PLSCR3: variants seen among roughly 807,000 people sequenced by gnomAD.
The protein encoded by PLSCR3 is PL scramblase 3.
A neutral mutation model predicts 33.7 loss-of-function variants in PLSCR3; 17 were observed. That is an observed-to-expected ratio of 0.50 (90% CI 0.35 to 0.76). The LOEUF (loss-of-function observed/expected upper bound fraction) is 0.76. Among genes scored for constraint, PLSCR3 ranks in the 30% least tolerant of loss-of-function variants. The probability of loss-of-function intolerance (pLI) is 0.01; values close to 1 mark genes in which losing one functional copy is unlikely to be tolerated. For missense variants in PLSCR3, 360 were observed against 394.1 expected (o/e 0.91, Z 0.73); for synonymous variants, 166 against 166.0 (o/e 1.00, Z 0.00).
chr17:7,393,531 G>A lies in PLSCR3; in HGVS notation c.244-22C>T, dbSNP rs369609211. ...CAATCTGGAAAGAGAGGGGCGGCGC[G>A]CACATCAGCTGGCCCATCTGGACGC... On this transcript the variant is annotated intron_variant, in intron 3 of 7. Coordinates refer to ENST00000619711, the MANE Select transcript of PLSCR3 (RefSeq NM_020360.4). 1.1e-5 allele frequency: 17 copies of A among 1,613,878 alleles called. No homozygotes were observed. In the African/African-American group the frequency reaches 2.1e-4, roughly 20 times the overall value.
Position 7,393,953 on chromosome 17 carries a change from G to C in PLSCR3, c.8-117C>G, listed in dbSNP as rs1905963264. 9.6e-6 allele frequency: 11 copies of C among 1,144,798 alleles called. No individual in the cohort carries two copies. In the South Asian group the frequency reaches 1.3e-4, roughly 14 times the overall value. 70.9% of individuals were successfully genotyped at this position (1,144,798 alleles called of 1,614,324 possible). A position where few individuals can be genotyped will look rare whatever the true frequency, so the allele number is the denominator to read the frequency against. ...AACGTGGTGGCAAGAGGCAGAGAAA[G>C]ATGGGGCAGGGGAGCAGGGTGGAGG... On this transcript the variant is annotated intron_variant, in intron 2 of 7. Transcript: ENST00000619711.
At position 7,390,843 on chromosome 17, in the gene PLSCR3, G is replaced by A. The variant is rs762655983; in HGVS notation, c.670-48C>T. 5.0e-6 allele frequency: 8 copies of A among 1,590,782 alleles called. No individual in the cohort carries two copies. The Admixed American group carries it at 1.3e-4, about 27-fold the overall frequency. ...GACCCAGCTGAGGAGGAGGCAGCCAGTCTCACCTGCTCCAGTCTCATTCCC... is the reference window on the plus strand; with the variant it reads ...GACCCAGCTGAGGAGGAGGCAGCCAATCTCACCTGCTCCAGTCTCATTCCC... On this transcript the variant is annotated intron_variant, in intron 6 of 7. Coordinates refer to ENST00000619711, the MANE Select transcript of PLSCR3 (RefSeq NM_020360.4).
rs1905711587 is a variant in PLSCR3, at chr17:7,391,711, T to A, written c.670-916A>T. On this transcript the variant is annotated intron_variant, in intron 6 of 7. Transcript: ENST00000619711. This position sits in a 1 kb window ranked among gnomAD's most constrained non-coding sequence, Gnocchi z 4.1. ...CAGCCTATACATTCCCATCTGGAGA[T>A]CACGCAGTTATTATATCTTATTCCC... Among the ~76,000 whole-genome samples the A allele has an allele frequency of 6.6e-6, 1 of 152,190 alleles. No individual in the cohort carries two copies. Among genetic ancestry groups the A allele is most frequent in the South Asian group, 2.1e-4 (1 of 4,826 alleles).
chr17:7,392,940 C>G lies in PLSCR3; in HGVS notation c.520G>C (p.Ala174Pro). ...TGGCCAATGGTGGTGCCTGGTGGAG[C>G]CTGTACTTCCATCTGGGAGTGGGAA... is the stretch of plus-strand genomic sequence containing the variant. ...PCGLQEMEVQAPPGTTIGHVL... is the reference protein window; with the variant it reads ...PCGLQEMEVQPPPGTTIGHVL... Residue 174 changes from alanine to proline, a missense_variant, in exon 6 of 8, where the codon GCT (alanine) becomes CCT (proline). Physicochemically the swap from Ala to Pro is conservative, Grantham distance 27. Coordinates refer to ENST00000619711, the MANE Select transcript of PLSCR3 (RefSeq NM_020360.4). 1 of 1,611,512 alleles carries G rather than the reference C, an allele frequency of 6.2e-7. No individual in the cohort carries two copies.
intron 6 of PLSCR3, among the ~76,000 whole-genome samples, chr17:7,392,001 C>A (rs1905739957): frequency 6.6e-6 from 1 of 152,162 alleles, no homozygotes; most frequent in South Asian, 2.1e-4. Flanking sequence ...GCCTGACCAA[C>A]ATGGAGAAAC....
chr17:7,393,379 A>G lies in PLSCR3; in HGVS notation c.287-15T>C. ...GCCTAGGAACGCTGCCCGAGGTGAC[A>G]CGGGGAGACTCGTAGAGCCTCGCGC... On this transcript the variant is annotated splice_polypyrimidine_tract_variant and intron_variant, in intron 4 of 7. Coordinates refer to ENST00000619711, the MANE Select transcript of PLSCR3 (RefSeq NM_020360.4). 6.2e-7 allele frequency: 1 copy of G among 1,613,528 alleles called. No individual in the cohort carries two copies. Among genetic ancestry groups the G allele is most frequent in the Non-Finnish European group, 8.5e-7 (1 of 1,179,790 alleles).
chr17:7,390,739 G>C lies in PLSCR3; in HGVS notation c.726C>G (p.Gly242=), dbSNP rs534765323. 3 of 1,613,970 alleles carry C rather than the reference G, an allele frequency of 1.9e-6. No individual in the cohort carries two copies. Among genetic ancestry groups the C allele is most frequent in the Non-Finnish European group, 1.7e-6 (2 of 1,179,998 alleles). The change falls in exon 7 of 8, where the codon GGC becomes GGG. Residue 242 remains glycine, a synonymous_variant. Coordinates refer to ENST00000619711, the MANE Select transcript of PLSCR3 (RefSeq NM_020360.4). The part of the protein sequence containing the change: ...SVGRISKQWG[G]LVREALTDAD... ...CATCTGTGAGGGCTTCTCGGACCAGGCCCCCCCACTGCTTGCTGATGCGGC... is the reference window on the plus strand; with the variant it reads ...CATCTGTGAGGGCTTCTCGGACCAGCCCCCCCCACTGCTTGCTGATGCGGC...
At chr17:7,392,604 T>C (rs527634773) in intron 6 of PLSCR3, among the ~76,000 whole-genome samples, 187 bp downstream of exon 6, 2 of 152,256 alleles carry the variant, frequency 1.3e-5, no homozygotes, top group African/African-American at 4.8e-5. Context: ...AAATCCTCGT[T>C]GTTATGCTTT....
intron 5 of PLSCR3, 66 bp from the exon 6 acceptor site, chr17:7,393,018 T>A: frequency 6.5e-7 from 1 of 1,540,904 alleles, no homozygotes; most frequent in Non-Finnish European, 8.8e-7. Flanking sequence ...TCTGTCTATT[T>A]GGCCCTCACT....
At chr17:7,392,333 A>G (rs1452140142) in intron 6 of PLSCR3, among the ~76,000 whole-genome samples, 1 of 152,222 alleles carries the variant, frequency 6.6e-6, no homozygotes, top group Non-Finnish European at 1.5e-5. Context: ...TGGTGACAGG[A>G]ATGCACAGTG....
Position 7,391,207 on chromosome 17 carries a change from AC to A in PLSCR3, c.670-413del, listed in dbSNP as rs1164871380. The stretch of plus-strand genomic sequence containing the variant: ...CACAGCTTGTGCCCTACACAAAGTA[AC>A]CTGGCCAAAAGGGCAAGGAAAGCTA... On this transcript the variant is annotated intron_variant, in intron 6 of 7. Transcript: ENST00000619711. This position sits in a 1 kb window ranked among gnomAD's most constrained non-coding sequence, Gnocchi z 4.1. Among the ~76,000 whole-genome samples, 47 of 152,324 alleles carry A rather than the reference AC, an allele frequency of 3.1e-4. 1 individual carries two copies. The highest frequency in any genetic ancestry group is 7.7e-4 in the East Asian group (4 of 5,194).
At chr17:7,390,954 T>A (rs558202595) in intron 6 of PLSCR3, among the ~76,000 whole-genome samples, 159 bp from the exon 7 acceptor site, 1 of 152,230 alleles carries the variant, frequency 6.6e-6, no homozygotes, top group African/African-American at 2.4e-5. Flanking sequence ...CCTAACTGGT[T>A]CCCATCACAG....
At position 7,393,164 on chromosome 17, in the gene PLSCR3, A is replaced by C. The variant is rs1410824220; in HGVS notation, c.487T>G (p.Cys163Gly). Reference protein sequence around the residue: ...LRPLHCGCSCCPCGLQEMEVQ... With the variant: ...LRPLHCGCSCGPCGLQEMEVQ... ...CCCACCTCCTGGAGGCCACAGGGGCAGCAGCTGCAGCCACAGTGCAGCGGG... is the reference window on the plus strand; with the variant it reads ...CCCACCTCCTGGAGGCCACAGGGGCCGCAGCTGCAGCCACAGTGCAGCGGG... Residue 163 changes from cysteine (C) to glycine (G), a missense_variant, in exon 5 of 8, where the codon TGC becomes GGC. By Grantham distance (159) the Cys-to-Gly change is radical. Transcript: ENST00000619711. The C allele has an allele frequency of 4.9e-6, 6 of 1,216,186 alleles. No homozygotes were observed. The highest frequency in any genetic ancestry group is 6.3e-6 in the Non-Finnish European group (6 of 953,956). 75.3% of individuals were successfully genotyped at this position (1,216,186 alleles called of 1,614,324 possible). A position where few individuals can be genotyped will look rare whatever the true frequency, so the allele number is the denominator to read the frequency against.
intron 6 of PLSCR3, among the ~76,000 whole-genome samples, chr17:7,392,492 C>T (rs974934599): frequency 1.6e-4 from 24 of 152,234 alleles, no homozygotes; most frequent in Admixed American, 1.5e-3. Context: ...GCCCGGCCCA[C>T]ACAGACTTAA....
chr17:7,394,007 C>T lies in PLSCR3; in HGVS notation c.7+97G>A. 2.0e-6 allele frequency: 3 copies of T among 1,477,212 alleles called. No homozygotes were observed. The highest frequency in any genetic ancestry group is 2.0e-4 in the Middle Eastern group (1 of 5,116). 91.5% of individuals were successfully genotyped at this position (1,477,212 alleles called of 1,614,324 possible). On this transcript the variant is annotated intron_variant, in intron 2 of 7. Transcript: ENST00000619711. This position sits in a 1 kb window ranked among gnomAD's most constrained non-coding sequence, Gnocchi z 5.3. ...CCCGGAAGGAAGGGAGGGGCCCCAC[C>T]CAGCCAGTCCGAGCACATTCCGGGA...
chr17:7,390,631 C>T lies in PLSCR3; in HGVS notation c.831+3G>A. On this transcript the variant is annotated splice_donor_region_variant and intron_variant, in intron 7 of 7. Coordinates refer to ENST00000619711, the MANE Select transcript of PLSCR3 (RefSeq NM_020360.4). ...GAGGTGGGGGCAGGGGCAGCCAACT[C>T]ACAATGAGGAATGTGGCTCCCAGCA... 1 of 1,613,908 alleles carries T rather than the reference C, an allele frequency of 6.2e-7. No individual in the cohort carries two copies. The highest frequency in any genetic ancestry group is 2.2e-5 in the East Asian group (1 of 44,886).
In PLSCR3 at chr17:7,391,949, G is replaced by T. The variant is rs548097703; in HGVS notation, c.669+842C>A. Among the ~76,000 whole-genome samples the T allele has an allele frequency of 6.6e-6, 1 of 152,178 alleles. No homozygotes were observed. The highest frequency in any genetic ancestry group is 1.5e-5 in the Non-Finnish European group (1 of 68,038). ...GCCTGTAATCCCAGCACTTTGGGAG[G>T]CTGAGGTGGGCGGATCACCTGAGGT... is the stretch of plus-strand genomic sequence containing the variant. On this transcript the variant is annotated intron_variant, in intron 6 of 7. Transcript: ENST00000619711. The surrounding 1 kb of genome is among the most constrained non-coding windows in gnomAD (Gnocchi z 4.1).
intron 6 of PLSCR3, among the ~76,000 whole-genome samples, chr17:7,392,430 C>T (rs1265082875): frequency 6.6e-6 from 1 of 152,156 alleles, no homozygotes; most frequent in Non-Finnish European, 1.5e-5. Flanking sequence ...ATGTTAAAAT[C>T]GTGCTTGCTC....
At position 7,391,674 on chromosome 17, in the gene PLSCR3, A is replaced by G. The variant is rs1213090512; in HGVS notation, c.670-879T>C. The stretch of plus-strand genomic sequence containing the variant: ...ATTATGCAAAAGGGACACTGGCCCT[A>G]TGAGAACCCCACAGCCTATACATTC... On this transcript the variant is annotated intron_variant, in intron 6 of 7. Coordinates refer to ENST00000619711, the MANE Select transcript of PLSCR3 (RefSeq NM_020360.4). This position sits in a 1 kb window ranked among gnomAD's most constrained non-coding sequence, Gnocchi z 4.1. Among the ~76,000 whole-genome samples, 3 of 152,220 alleles carry G rather than the reference A, an allele frequency of 2.0e-5. No homozygotes were observed. Among genetic ancestry groups the G allele is most frequent in the South Asian group, 2.1e-4 (1 of 4,832 alleles).
Sources: gnomAD v4.1 joint callset for allele counts (sites outside exome capture counted in the v4.1 genomes callset) on GRCh38, gnomAD v4.1.1 for gene constraint, Gnocchi (gnomAD v3.1) non-coding constraint, MANE v1.5 for transcripts, NCBI Gene and HGNC (gene_info 2026-07-23, HGNC 2026-07-21) for gene names.